Variants in RBMS1 observed in about 807,000 individuals in gnomAD.
The protein encoded by RBMS1 is RNA binding motif single stranded interacting protein 1.
Under a neutral mutation model 62.3 loss-of-function variants are expected in RBMS1, and 17 were observed. The observed-to-expected ratio is 0.27, with a 90% CI of 0.19 to 0.41. RBMS1 has a LOEUF of 0.41. Ranked by LOEUF, RBMS1 falls within the 10% of genes least tolerant of loss-of-function variation. RBMS1 has a pLI of 1.00. For missense variants in RBMS1, 334 were observed against 504.5 expected (o/e 0.66, Z 3.24); for synonymous variants, 172 against 170.0 (o/e 1.01, Z -0.09).
chr2:160,395,502 C>T (rs1209245269), intron 1 of RBMS1, among the ~76,000 whole-genome samples: 5 of 151,862 alleles, frequency 3.3e-5, no homozygotes, highest in Non-Finnish European at 7.4e-5. Flanking sequence ...CGGGCGCCTG[C>T]AGTCCTAGCT....
rs1413599616 is a variant in RBMS1 at position 160,314,317 on chromosome 2, G to C, written c.311-1070C>G. 2.6e-5 allele frequency among the ~76,000 whole-genome samples: 4 copies of C among 152,192 alleles called. No homozygotes were observed. In the East Asian group the frequency reaches 7.7e-4, roughly 29 times the overall value. ...TTAGTAGACTAACGAAACGGTACCA[G>C]GCAAAATACCAGAGCCTTCCATGGA... On this transcript the variant is annotated intron_variant, in intron 3 of 13. Transcript: ENST00000348849.
intron 1 of RBMS1, among the ~76,000 whole-genome samples, chr2:160,420,291 C>G (rs1300502174): frequency 6.6e-6 from 1 of 152,264 alleles, no homozygotes; most frequent in African/African-American, 2.4e-5. Context: ...TCACTCTTCT[C>G]TAGCTCTGAG....
intron 2 of RBMS1, among the ~76,000 whole-genome samples, chr2:160,365,096 T>C (rs888060950): frequency 2.0e-5 from 3 of 152,324 alleles, no homozygotes; most frequent in Admixed American, 6.5e-5. Context: ...CTCTTCTTTA[T>C]TGGAAACAAT....
At chr2:160,471,853 G>A (rs1260574926) in intron 1 of RBMS1, among the ~76,000 whole-genome samples, 1 of 151,492 alleles carries the variant, frequency 6.6e-6, no homozygotes, top group Non-Finnish European at 1.5e-5. Flanking sequence ...TTCAGGCCAG[G>A]GTTAGAGGGA....
intron 1 of RBMS1, among the ~76,000 whole-genome samples, chr2:160,470,414 G>T (rs1278515867): frequency 6.6e-6 from 1 of 151,834 alleles, no homozygotes. Flanking sequence ...ATAGTGATTT[G>T]CATACATATA....
intron 1 of RBMS1, among the ~76,000 whole-genome samples, chr2:160,373,445 A>T (rs865922367): frequency 6.6e-6 from 1 of 152,218 alleles, no homozygotes; most frequent in Non-Finnish European, 1.5e-5. Context: ...TCATTCAAGT[A>T]TCTTTTAAGG....
At chr2:160,293,015 G>A (rs1228072484) in intron 6 of RBMS1, among the ~76,000 whole-genome samples, 1 of 152,202 alleles carries the variant, frequency 6.6e-6, no homozygotes, top group Non-Finnish European at 1.5e-5. Flanking sequence ...TACAGCTCAT[G>A]ATGCTGTGTG....
chr2:160,492,016 G>A (rs1352058529), intron 1 of RBMS1, among the ~76,000 whole-genome samples: 1 of 152,164 alleles, frequency 6.6e-6, no homozygotes, highest in African/African-American at 2.4e-5. Flanking sequence ...CAAATACAGG[G>A]CTATGTCGTA....
intron 1 of RBMS1, among the ~76,000 whole-genome samples, chr2:160,396,645 A>G (rs1381348755): frequency 7.2e-6 from 1 of 139,592 alleles, no homozygotes; most frequent in Non-Finnish European, 1.5e-5. Context: ...AGCTCACTGC[A>G]ACCTCCGCCT....
chr2:160,346,066 A>G (rs1377810812), intron 2 of RBMS1, among the ~76,000 whole-genome samples: 1 of 152,096 alleles, frequency 6.6e-6, no homozygotes, highest in Admixed American at 6.6e-5. Context: ...CAAATCTTGG[A>G]AGCCTTCTCC....
intron 7 of RBMS1, among the ~76,000 whole-genome samples, chr2:160,285,289 G>C (rs943228747): frequency 6.6e-6 from 1 of 151,992 alleles, no homozygotes; most frequent in African/African-American, 2.4e-5. Flanking sequence ...AGGGGAATTT[G>C]TACTTAGAGT....
At chr2:160,298,317 G>C (rs1272947024) in intron 6 of RBMS1, among the ~76,000 whole-genome samples, 1 of 152,026 alleles carries the variant, frequency 6.6e-6, no homozygotes, top group African/African-American at 2.4e-5. Flanking sequence ...GAGGTAAGGG[G>C]GACTAGTGTA....
At chr2:160,364,869 T>C (rs1306132469) in intron 2 of RBMS1, among the ~76,000 whole-genome samples, 1 of 152,218 alleles carries the variant, frequency 6.6e-6, no homozygotes, top group Non-Finnish European at 1.5e-5. Context: ...GTTACCCCCC[T>C]AATTCAGCCT....
chr2:160,355,345 C>T (rs1459426489), intron 2 of RBMS1, among the ~76,000 whole-genome samples: 1 of 152,082 alleles, frequency 6.6e-6, no homozygotes, highest in Admixed American at 6.6e-5. Context: ...ATAGCCACAC[C>T]AAAAGTACAC....
At chr2:160,409,588 C>T (rs1695939648) in intron 1 of RBMS1, among the ~76,000 whole-genome samples, 1 of 152,180 alleles carries the variant, frequency 6.6e-6, no homozygotes, top group Admixed American at 6.5e-5. Flanking sequence ...GTCATAGGTG[C>T]CTTTCTCTGA....
At chr2:160,275,933 A>T (rs564325468) in intron 12 of RBMS1, among the ~76,000 whole-genome samples, 8 of 152,264 alleles carry the variant, frequency 5.3e-5, no homozygotes, top group Non-Finnish European at 1.2e-4. Context: ...TGACTTTCCT[A>T]TTCTTATCAA....
intron 1 of RBMS1, among the ~76,000 whole-genome samples, chr2:160,481,712 C>T (rs548699397): frequency 6.6e-4 from 100 of 152,292 alleles, no homozygotes; most frequent in Non-Finnish European, 1.1e-3. Flanking sequence ...CAAAAGACTT[C>T]TCAAAAGAGG....
intron 2 of RBMS1, among the ~76,000 whole-genome samples, chr2:160,361,512 C>T (rs1250473816): frequency 1.3e-5 from 2 of 152,148 alleles, no homozygotes; most frequent in African/African-American, 4.8e-5. Flanking sequence ...GGTTCCAGAC[C>T]GCTGCCATAC....
At chr2:160,470,551 C>T (rs552363023) in intron 1 of RBMS1, among the ~76,000 whole-genome samples, 1 of 152,236 alleles carries the variant, frequency 6.6e-6, no homozygotes, top group South Asian at 2.1e-4. Flanking sequence ...TAGTCTATAC[C>T]TGCCAGGAAA....
Sources: gnomAD v4.1 joint callset for allele counts (sites outside exome capture counted in the v4.1 genomes callset) on GRCh38, gnomAD v4.1.1 for gene constraint, MANE v1.5 for transcripts, NCBI Gene and HGNC (gene_info 2026-07-23, HGNC 2026-07-21) for gene names.